NAV1: variants seen among roughly 807,000 people sequenced by gnomAD.
The protein encoded by NAV1 is pore membrane and/or filament interacting like protein 3.
A neutral mutation model predicts 175.2 loss-of-function variants in NAV1; 18 were observed. The observed-to-expected ratio is 0.10, with a 90% CI of 0.07 to 0.15. The LOEUF is 0.15. Ranked by LOEUF, NAV1 falls within the 10% of genes least tolerant of loss-of-function variation. The probability of loss-of-function intolerance (pLI) is 1.00; values close to 1 mark genes in which losing one functional copy is unlikely to be tolerated. For missense variants in NAV1, 1,731 were observed against 2,436.6 expected, an observed-to-expected ratio of 0.71 and a Z score of 6.10; for synonymous variants, 897 against 978.7, an observed-to-expected ratio of 0.92 and a Z score of 1.56.
chr1:201,786,689 T>C, intron 9 of NAV1, 112 bp downstream of exon 13: 2 of 1,059,176 alleles, frequency 1.9e-6, no homozygotes, highest in South Asian at 1.7e-5. Context: ...TCATGCTGTA[T>C]TGGGTTGTTT....
intron 1 of NAV1, among the ~76,000 whole-genome samples, chr1:201,560,384 C>T (rs1354030957): frequency 2.0e-5 from 3 of 152,208 alleles, no homozygotes; most frequent in African/African-American, 7.2e-5. Flanking sequence ...TTAGCCAGCG[C>T]CAGCTTCCCC....
rs1676936203 is a variant in NAV1 at position 201,788,863 on chromosome 1, C to G, written c.3166+225C>G. Among the ~76,000 whole-genome samples the G allele has an allele frequency of 6.6e-6, 1 of 152,178 alleles. No homozygotes were observed. The highest frequency in any genetic ancestry group is 1.5e-5 in the Non-Finnish European group (1 of 68,038). On this transcript the variant is annotated intron_variant, in intron 10 of 29. Coordinates refer to ENST00000367296, the Ensembl canonical transcript of NAV1. The surrounding 1 kb of genome is among the most constrained non-coding windows in gnomAD (Gnocchi z 5.7). ...GGGCATTGGGATGGAGCATCCATCA[C>G]TGGGGCTGGGGGAGGGAAATTGAGC...
At chr1:201,714,343 C>T (rs1672044742) in intron 2 of NAV1, among the ~76,000 whole-genome samples, 1 of 152,238 alleles carries the variant, frequency 6.6e-6, no homozygotes, top group Non-Finnish European at 1.5e-5. Context: ...TCTCCTTCTC[C>T]TTCCTTGTAC....
intron 15 of NAV1, among the ~76,000 whole-genome samples, chr1:201,799,278 A>G (rs888776647): frequency 1.3e-5 from 2 of 152,014 alleles, no homozygotes; most frequent in South Asian, 4.1e-4. Flanking sequence ...TTCTGTGTGT[A>G]ATGTGCTCTT....
intron 1 of NAV1, among the ~76,000 whole-genome samples, chr1:201,540,658 G>T (rs531842911): frequency 3.2e-4 from 49 of 152,178 alleles, no homozygotes; most frequent in Non-Finnish European, 4.4e-5. Context: ...TTTTGTTGGT[G>T]TGTCTTTGGG....
intron 1 of NAV1, among the ~76,000 whole-genome samples, chr1:201,675,723 T>A (rs991649557): frequency 2.6e-5 from 4 of 152,158 alleles, no homozygotes; most frequent in Admixed American, 2.6e-4. Context: ...CCCCTACAGT[T>A]CTGTCCAAAT....
intron 1 of NAV1, among the ~76,000 whole-genome samples, chr1:201,711,133 C>T (rs1040466218): frequency 7.9e-5 from 12 of 152,254 alleles, no homozygotes; most frequent in South Asian, 2.1e-4. Context: ...TAGGCATTGG[C>T]GGCCACGGAA....
At position 201,561,359 on chromosome 1, in the gene NAV1, T is replaced by C. The variant is rs1666192532; in HGVS notation, c.-144+22017T>C. ...TGTGGGAAAAGAAGGTAAACGAATC[T>C]GCCCCATCACACATGGTGTTACGCA... is the stretch of plus-strand genomic sequence containing the variant. On this transcript the variant is annotated intron_variant, in intron 1 of 33. Coordinates refer to the NAV1 transcript ENST00000685211. 2.0e-5 allele frequency among the ~76,000 whole-genome samples: 3 copies of C among 152,208 alleles called. No homozygotes were observed. The South Asian group carries it at 6.2e-4, about 32-fold the overall frequency.
rs982410618 is a variant in NAV1, at chr1:201,788,400, C to G, written c.2996-68C>G. 1.3e-6 allele frequency: 2 copies of G among 1,564,418 alleles called. No homozygotes were observed. The highest frequency in any genetic ancestry group is 1.4e-5 in the African/African-American group (1 of 73,998). On this transcript the variant is annotated intron_variant, in intron 9 of 29. Transcript: ENST00000367296. This position sits in a 1 kb window ranked among gnomAD's most constrained non-coding sequence, Gnocchi z 5.7. ...CTCCATCCCCCAAGGGCCCGGAGAG[C>G]TGATGACCCTGCCTCTTTTCCTGCC... is the stretch of plus-strand genomic sequence containing the variant.
intron 1 of NAV1, 56 bp downstream of exon 3, chr1:201,623,662 G>T: frequency 1.0e-6 from 1 of 986,274 alleles, no homozygotes; most frequent in Non-Finnish European, 1.2e-6. Flanking sequence ...GGGACCAAGG[G>T]GCAAGCCGGA....
chr1:201,708,851 A>G (rs1671778620), intron 1 of NAV1, among the ~76,000 whole-genome samples: 2 of 152,160 alleles, frequency 1.3e-5, no homozygotes, highest in African/African-American at 4.8e-5. Flanking sequence ...CAACTTAGCC[A>G]ATAAAACAAG....
chr1:201,719,949 T>G (rs1672306444), intron 3 of NAV1, among the ~76,000 whole-genome samples: 1 of 152,194 alleles, frequency 6.6e-6, no homozygotes, highest in African/African-American at 2.4e-5. Context: ...CTTGGAGGGA[T>G]CTGGTTAGGG....
At chr1:201,746,986 C>G (rs1673809216) in intron 3 of NAV1, among the ~76,000 whole-genome samples, 1 of 141,170 alleles carries the variant, frequency 7.1e-6, no homozygotes, top group Admixed American at 7.3e-5. Flanking sequence ...CCTGTGTGAC[C>G]CTGTCTCAAA....
At chr1:201,566,651 T>A (rs1666362888) in intron 1 of NAV1, among the ~76,000 whole-genome samples, 2 of 152,148 alleles carry the variant, frequency 1.3e-5, no homozygotes, top group African/African-American at 4.8e-5. Context: ...AGGTGCCCCA[T>A]CCATGGTTCC....
chr1:201,744,036 C>T (rs1019335099), intron 3 of NAV1, among the ~76,000 whole-genome samples: 1 of 151,938 alleles, frequency 6.6e-6, no homozygotes, highest in African/African-American at 2.4e-5. Context: ...AGGCATGCAC[C>T]ACCATGCCCA....
In NAV1 at chr1:201,784,197, G is replaced by A. The variant is rs1271330419; in HGVS notation, c.2804+345G>A. On this transcript the variant is annotated intron_variant, in intron 7 of 29. Transcript: ENST00000367296. Reference sequence around the variant, plus strand: ...TTTGAGATGGAGTTTTGCTCTTGTTGCCCAGGCTGGAGTGCAGTGGTGCAG... The same window carrying A: ...TTTGAGATGGAGTTTTGCTCTTGTTACCCAGGCTGGAGTGCAGTGGTGCAG... Among the ~76,000 whole-genome samples the A allele has an allele frequency of 2.0e-5, 3 of 152,240 alleles. No individual in the cohort carries two copies. The East Asian group carries it at 5.8e-4, about 29-fold the overall frequency.
intron 1 of NAV1, among the ~76,000 whole-genome samples, chr1:201,577,472 AT>A (rs36112197): frequency 0.12 from 11,636 of 97,896 alleles, 351 homozygotes; most frequent in East Asian, 0.2. Context: ...TGAGACTTAG[AT>A]TTTTTTTTTT....
At chr1:201,822,809 G>A (rs953824058) in exon 30 of NAV1, 3 of 152,628 alleles carry the variant, frequency 2.0e-5, no homozygotes, top group African/African-American at 7.2e-5. Context: ...TCACTGTGGG[G>A]ATTGATCATT....
chr1:201,678,813 C>T (rs1318171253), intron 1 of NAV1, among the ~76,000 whole-genome samples: 1 of 152,182 alleles, frequency 6.6e-6, no homozygotes, highest in Non-Finnish European at 1.5e-5. Flanking sequence ...CCCTCCCAAC[C>T]CAAACTCAAC....
Sources: allele counts gnomAD v4.1 joint callset (sites outside exome capture counted in the v4.1 genomes callset), GRCh38; gene constraint gnomAD v4.1.1; non-coding constraint Gnocchi (gnomAD v3.1); transcripts MANE v1.5; gene names NCBI Gene and HGNC (gene_info 2026-07-23, HGNC 2026-07-21).